The following FBXW7 variants were observed in gnomAD, a reference collection of about 807,000 sequenced individuals.
FBXW7 encodes the protein F-box and WD repeat domain containing 7.
In FBXW7, 11 loss-of-function variants were observed where a neutral mutation model predicts 86.3. The observed-to-expected ratio is 0.13, with a 90% confidence interval of 0.08 to 0.21. The LOEUF (loss-of-function observed/expected upper bound fraction) is 0.21, where lower values mean the gene tolerates loss of function less well. FBXW7 is among the 10% of genes least tolerant of loss of function. The pLI, the probability that FBXW7 is intolerant of heterozygous loss-of-function variation, is 1.00. For synonymous variants in FBXW7, 313 were observed against 297.9 expected (o/e 1.05, Z -0.52); for missense variants, 488 against 847.4 (o/e 0.58, Z 5.27).
chr4:152,395,846 A>G lies in FBXW7; in HGVS notation c.501+15457T>C, dbSNP rs577047507. Among the ~76,000 whole-genome samples, 10 of 152,208 alleles carry G rather than the reference A, an allele frequency of 6.6e-5. No individual in the cohort carries two copies. In the South Asian group the frequency reaches 1.4e-3, roughly 22 times the overall value. On this transcript the variant is annotated intron_variant, in intron 4 of 13. Coordinates refer to ENST00000281708, the MANE Select transcript of FBXW7 (RefSeq NM_001349798.2). ...CATTCTTCTTCCCTACATGATGTCT[A>G]GTGAAAAATAGGTGGTCTATGGGTC...
At chr4:152,349,950 A>T (rs1731647273) in intron 5 of FBXW7, 92 bp downstream of exon 5, 1 of 637,292 alleles carries the variant, frequency 1.6e-6, no homozygotes, top group Non-Finnish European at 2.6e-6. Flanking sequence ...CGTACTAGTA[A>T]CATTATTATT....
At chr4:152,403,182 G>T (rs923347255) in intron 4 of FBXW7, among the ~76,000 whole-genome samples, 6 of 152,140 alleles carry the variant, frequency 3.9e-5, no homozygotes, top group African/African-American at 1.4e-4. Context: ...GGCCACTTTA[G>T]AATTATGTTT....
chr4:152,404,886 A>C (rs1314697143), intron 4 of FBXW7, among the ~76,000 whole-genome samples: 1 of 152,070 alleles, frequency 6.6e-6, no homozygotes, highest in African/African-American at 2.4e-5. Context: ...AGAGCTCAGG[A>C]GTTTGAGACC....
At chr4:152,501,711 C>T (rs1746964435) in intron 2 of FBXW7, among the ~76,000 whole-genome samples, 1 of 152,116 alleles carries the variant, frequency 6.6e-6, no homozygotes, top group Non-Finnish European at 1.5e-5. Flanking sequence ...CTCGATAGGT[C>T]TCTACAGATG....
At chr4:152,449,110 AG>A (rs1297444369) in intron 2 of FBXW7, among the ~76,000 whole-genome samples, 4 of 152,232 alleles carry the variant, frequency 2.6e-5, no homozygotes, top group Non-Finnish European at 5.9e-5. Flanking sequence ...GAGAAACAAC[AG>A]GGAGCAAATT....
chr4:152,376,015 G>GCA (rs1734479818), intron 4 of FBXW7, among the ~76,000 whole-genome samples: 3 of 151,960 alleles, frequency 2.0e-5, no homozygotes, highest in African/African-American at 7.2e-5. Flanking sequence ...GAAAATACTA[G>GCA]CAGTATATTA....
At chr4:152,425,360 C>T (rs1277549990) in intron 2 of FBXW7, among the ~76,000 whole-genome samples, 2 of 152,214 alleles carry the variant, frequency 1.3e-5, no homozygotes, top group African/African-American at 4.8e-5. Context: ...CATATCCTAA[C>T]TCTTAATTAT....
chr4:152,419,596 G>A (rs1388542306), intron 2 of FBXW7, among the ~76,000 whole-genome samples: 1 of 150,622 alleles, frequency 6.6e-6, no homozygotes, highest in African/African-American at 2.4e-5. Context: ...ACTTTCACTG[G>A]GGCTGCTATC....
At chr4:152,404,357 T>C (rs1350132950) in intron 4 of FBXW7, among the ~76,000 whole-genome samples, 1 of 152,212 alleles carries the variant, frequency 6.6e-6, no homozygotes, top group Non-Finnish European at 1.5e-5. Flanking sequence ...GGAGAAATTA[T>C]AAAATGTATT....
At chr4:152,529,798 T>C (rs1004328638) in intron 2 of FBXW7, among the ~76,000 whole-genome samples, 4 of 152,026 alleles carry the variant, frequency 2.6e-5, no homozygotes, top group Admixed American at 6.6e-5. Context: ...TGCATGGCCT[T>C]TGGGGTTACC....
At chr4:152,444,433 T>C (rs1372554559) in intron 2 of FBXW7, among the ~76,000 whole-genome samples, 1 of 152,182 alleles carries the variant, frequency 6.6e-6, no homozygotes, top group Non-Finnish European at 1.5e-5. Flanking sequence ...TTCCTGCGAA[T>C]CTGAGTATCT....
intron 2 of FBXW7, among the ~76,000 whole-genome samples, chr4:152,466,937 G>A (rs927753668): frequency 1.9e-4 from 29 of 151,500 alleles, no homozygotes; most frequent in East Asian, 1.7e-3. Context: ...GCGAGATTCC[G>A]TCTCAAAATA....
intron 4 of FBXW7, chr4:152,352,720 G>A (rs751316905): frequency 8.7e-6 from 14 of 1,613,432 alleles, no homozygotes; most frequent in South Asian, 4.4e-5. Context: ...ACCGCTTCTC[G>A]GGACACACAT....
At chr4:152,332,265 A>AT (rs1324676200) in intron 8 of FBXW7, among the ~76,000 whole-genome samples, 1 of 152,128 alleles carries the variant, frequency 6.6e-6, no homozygotes, top group Non-Finnish European at 1.5e-5. Context: ...GGTGTTCAAT[A>AT]AACATTTATG....
intron 2 of FBXW7, among the ~76,000 whole-genome samples, chr4:152,479,628 C>A (rs1457186276): frequency 6.6e-6 from 1 of 152,054 alleles, no homozygotes; most frequent in African/African-American, 2.4e-5. Context: ...GAAACAAGAT[C>A]AAGTCTAGAA....
At chr4:152,366,202 G>A (rs1733463743) in intron 4 of FBXW7, among the ~76,000 whole-genome samples, 1 of 151,878 alleles carries the variant, frequency 6.6e-6, no homozygotes, top group Admixed American at 6.6e-5. Flanking sequence ...TCCCCCTCAG[G>A]GAAAAGTCAT....
chr4:152,411,046 G>A (rs1305722970), intron 4 of FBXW7: 6 of 549,614 alleles, frequency 1.1e-5, no homozygotes, highest in Non-Finnish European at 1.6e-5. Flanking sequence ...AGGTTTAGAC[G>A]AAAATTTGAT....
intron 2 of FBXW7, among the ~76,000 whole-genome samples, chr4:152,491,052 G>A (rs1745798848): frequency 1.3e-5 from 2 of 152,116 alleles, no homozygotes; most frequent in African/African-American, 4.8e-5. Flanking sequence ...TAATAAGGAA[G>A]AAGCATAATA....
intron 9 of FBXW7, among the ~76,000 whole-genome samples, 191 bp downstream of exon 9, chr4:152,330,541 C>T (rs1171008072): frequency 1.3e-5 from 2 of 151,854 alleles, no homozygotes; most frequent in Non-Finnish European, 2.9e-5. Flanking sequence ...TATTCAAGCA[C>T]AATTAGTTGT....
Sources: gnomAD v4.1 joint callset for allele counts (sites outside exome capture counted in the v4.1 genomes callset) on GRCh38, gnomAD v4.1.1 for gene constraint, MANE v1.5 for transcripts, NCBI Gene and HGNC (gene_info 2026-07-23, HGNC 2026-07-21) for gene names.